The following KIF7 variants were observed in gnomAD, a reference collection of about 807,000 sequenced individuals.
The protein encoded by KIF7 is kinesin-like protein KIF7.
Under a neutral mutation model 135.7 loss-of-function variants are expected in KIF7, and 104 were observed. That is an observed-to-expected ratio of 0.77 (90% CI 0.65 to 0.90). KIF7 has a LOEUF of 0.90. Among genes scored for constraint, KIF7 ranks in the 40% least tolerant of loss-of-function variants. KIF7 has a pLI of 0.00. For missense variants in KIF7, 2,005 were observed against 1,839.1 expected, an observed-to-expected ratio of 1.09 and a Z score of -1.65; for synonymous variants, 883 against 809.4, an observed-to-expected ratio of 1.09 and a Z score of -1.54.
upstream of KIF7, among the ~76,000 whole-genome samples, chr15:89,656,337 CA>C (rs1197340783): frequency 2.6e-5 from 4 of 151,326 alleles, no homozygotes; most frequent in East Asian, 7.7e-4. Context: ...GCAACATTAC[CA>C]AGGAGGTGGC....
rs371407367 is a variant in KIF7 at position 89,618,175 on chromosome 15, T to C, written c.202A>G (p.Ile68Val). The C allele has an allele frequency of 3.3e-5, 54 of 1,614,188 alleles. No individual in the cohort carries two copies. The highest frequency in any genetic ancestry group is 4.3e-5 in the Non-Finnish European group (51 of 1,180,026). The stretch of plus-strand genomic sequence containing the variant: ...AGGTCCTCTGATCCTGGTCCTGATA[T>C]TGGTGTTGTTGAAGAGTCCCCTGAA... Residue 68 changes from isoleucine (I) to valine (V), a missense_variant and NMD_transcript_variant, in exon 2 of 3, where the codon ATA (isoleucine) becomes GTA (valine). Transcript: ENST00000558928.
intron 11 of KIF7, among the ~76,000 whole-genome samples, chr15:89,635,239 GA>G (rs1451410823): frequency 6.6e-6 from 1 of 152,208 alleles, no homozygotes; most frequent in African/African-American, 2.4e-5. Flanking sequence ...AAACAGAGCA[GA>G]AAAAATGGAA....
chr15:89,661,421 A>T, the KIF7 span, among the ~76,000 whole-genome samples: 1 of 152,130 alleles, frequency 6.6e-6, no homozygotes, highest in African/African-American at 2.4e-5. Flanking sequence ...AATGAGAAAC[A>T]AAAAAATTCA....
chr15:89,620,153 G>T (rs904380539), intron 1 of KIF7, among the ~76,000 whole-genome samples: 1 of 152,134 alleles, frequency 6.6e-6, no homozygotes, highest in Non-Finnish European at 1.5e-5. Context: ...GGTGATATCT[G>T]TGTTTACGTT....
intron 5 of KIF7, 79 bp from the exon 6 acceptor site, chr15:89,647,791 T>G: frequency 9.0e-7 from 1 of 1,108,088 alleles, no homozygotes; most frequent in South Asian, 1.4e-5. Flanking sequence ...TGTTTAGCCC[T>G]GCTTTCTATC....
chr15:89,623,484 T>C, downstream of KIF7: 1 of 878,908 alleles, frequency 1.1e-6, no homozygotes, highest in Non-Finnish European at 1.7e-6. Context: ...GGGAAACGGG[T>C]CACTATTTGA....
In KIF7 at chr15:89,648,651, G is replaced by A; in HGVS notation, c.1047C>T (p.Ile349=). ...TLNYASRAQN[I]RNRATVNWRP... ...GCCAGTTGACCGTGGCGCGGTTGCG[G>A]ATGTTCTGGGCGCGGCTGGCGTAGT... The change falls in exon 5 of 19, where the codon ATC becomes ATT. Residue 349 remains isoleucine, a synonymous_variant. Transcript: ENST00000394412. 1 of 1,535,916 alleles carries A rather than the reference G, an allele frequency of 6.5e-7. No individual in the cohort carries two copies. Among genetic ancestry groups the A allele is most frequent in the Non-Finnish European group, 8.7e-7 (1 of 1,146,308 alleles).
At chr15:89,632,163 C>T (rs569559848) in intron 14 of KIF7, among the ~76,000 whole-genome samples, 16 of 152,196 alleles carry the variant, frequency 1.1e-4, no homozygotes, top group Non-Finnish European at 1.9e-4. Flanking sequence ...CAGAGTGATG[C>T]GTGCTGGCAG....
chr15:89,628,316 TTAGG>T lies in KIF7; in HGVS notation c.*99_*102del. On this transcript the variant is annotated 3_prime_UTR_variant, in exon 19 of 19. Transcript: ENST00000394412. ...TGAGGGTACAGATGAGGGCCTGGAT[TTAGG>T]GTGTGCGGTAAGGACTGCCCTTCAC... is the stretch of plus-strand genomic sequence containing the variant. 6.9e-7 allele frequency: 1 copy of T among 1,446,746 alleles called. No homozygotes were observed. Among genetic ancestry groups the T allele is most frequent in the East Asian group, 2.3e-5 (1 of 43,570 alleles). The allele number at this position is 1,446,746 out of a possible 1,614,324, so 89.6% of individuals were successfully genotyped here.
rs1285074285 is a variant in KIF7 at position 89,628,986 on chromosome 15, G to T, written c.3654C>A (p.Gly1218=). 1.2e-6 allele frequency: 2 copies of T among 1,613,788 alleles called. No individual in the cohort carries two copies. The highest frequency in any genetic ancestry group is 2.2e-5 in the South Asian group (2 of 91,070). Residue 1218 remains glycine, a synonymous_variant, in exon 18 of 19, where the codon GGC becomes GGA. Coordinates refer to ENST00000394412, the MANE Select transcript of KIF7 (RefSeq NM_198525.3). The part of the protein sequence containing the change: ...KQKLGGVNAV[G]HSRGGEKRSL... ...GCGACGAGGAGTTACCCCTGCTGTG[G>T]CCTACAGCGTTCACACCGCCGAGCT...
chr15:89,648,955 G>T lies in KIF7; in HGVS notation c.923+19C>A. 1 of 1,520,516 alleles carries T rather than the reference G, an allele frequency of 6.6e-7. No homozygotes were observed. The highest frequency in any genetic ancestry group is 1.2e-5 in the South Asian group (1 of 81,540). The allele number at this position is 1,520,516 out of a possible 1,614,324, so 94.2% of individuals were successfully genotyped here. On this transcript the variant is annotated intron_variant, in intron 4 of 18. Coordinates refer to ENST00000394412, the MANE Select transcript of KIF7 (RefSeq NM_198525.3). The stretch of plus-strand genomic sequence containing the variant: ...CCTCCCCGGCCCCCAGGCCACATAG[G>T]AGCCAGGGGGCAGCTCACCGGGTGA...
At chr15:89,617,952 A>G in intron 2 of KIF7, 1 of 626,078 alleles carries the variant, frequency 1.6e-6, no homozygotes, top group Non-Finnish European at 2.8e-6. Context: ...TTAGCCTCCT[A>G]AGGTGCTGGG....
chr15:89,621,332 T>C, intron 1 of KIF7: 1 of 1,531,604 alleles, frequency 6.5e-7, no homozygotes. Flanking sequence ...GCTGTTTTAA[T>C]AGTATTGGAA....
chr15:89,652,689 G>T lies in KIF7; in HGVS notation c.242C>A (p.Ala81Asp). The change falls in exon 2 of 19, where the codon GCC becomes GAC. Residue 81 changes from alanine to aspartate, a missense_variant. Physicochemically the swap from Ala to Asp is moderately radical, Grantham distance 126. Transcript: ENST00000394412. Reference sequence around the variant, plus strand: ...AGTGGCATTGAAGCCCTCGAAGAAGGCCTCAAGGAGGGGCTGAACGCAGGC... The same window carrying T: ...AGTGGCATTGAAGCCCTCGAAGAAGTCCTCAAGGAGGGGCTGAACGCAGGC... The part of the protein sequence containing the change: ...YQACVQPLLE[A>D]FFEGFNATVF... The T allele has an allele frequency of 6.4e-7, 1 of 1,551,702 alleles. No individual in the cohort carries two copies. The highest frequency in any genetic ancestry group is 8.7e-7 in the Non-Finnish European group (1 of 1,146,866).
chr15:89,624,943 G>T (rs1468473585), downstream of KIF7: 6 of 1,613,988 alleles, frequency 3.7e-6, no homozygotes, highest in Non-Finnish European at 5.1e-6. Context: ...CAACCTGCCA[G>T]CATCAGCTTG....
At position 89,646,977 on chromosome 15, in the gene KIF7, G is replaced by C. The variant is rs762180295; in HGVS notation, c.1641C>G (p.Gly547=). The C allele has an allele frequency of 1.2e-5, 19 of 1,612,592 alleles. No homozygotes were observed. Among genetic ancestry groups the C allele is most frequent in the South Asian group, 1.1e-4 (10 of 91,030 alleles). Residue 547 remains glycine, a synonymous_variant, in exon 7 of 19, where the codon GGC becomes GGG. Coordinates refer to ENST00000394412, the MANE Select transcript of KIF7 (RefSeq NM_198525.3). ...GAGGCAGGCCATTCAGGAGCCGCGG[G>C]CCCCCCCAGCCTGGCCGCACCAGCT... ...RLELVRPGWG[G]PRLLNGLPPG...
chr15:89,645,159 C>T lies in KIF7; in HGVS notation c.2045G>A (p.Gly682Asp). 4 of 1,604,578 alleles carry T rather than the reference C, an allele frequency of 2.5e-6. No individual in the cohort carries two copies. The highest frequency in any genetic ancestry group is 3.4e-6 in the Non-Finnish European group (4 of 1,179,964). The change falls in exon 10 of 19, where the codon GGT becomes GAT. Residue 682 changes from glycine to aspartate, a missense_variant. Transcript: ENST00000394412. ...GGCCTGAACTCGGGCCTTGCTCCCA[C>T]CAACTGCTGCAACAGGCAGCCTGTC... is the stretch of plus-strand genomic sequence containing the variant. Reference protein sequence around the residue: ...DAAIPGSRAVGGSKARVQARQ... With the variant: ...DAAIPGSRAVDGSKARVQARQ...
In KIF7 at chr15:89,633,811, C is replaced by T; in HGVS notation, c.2467G>A (p.Glu823Lys). The T allele has an allele frequency of 6.2e-7, 1 of 1,613,070 alleles. No homozygotes were observed. Residue 823 changes from glutamate to lysine, a missense_variant, in exon 12 of 19, where the codon GAG becomes AAG. Coordinates refer to ENST00000394412, the MANE Select transcript of KIF7 (RefSeq NM_198525.3). ...LSAQSEKRLQELERNVQLMRQ... is the reference protein window; with the variant it reads ...LSAQSEKRLQKLERNVQLMRQ... The stretch of plus-strand genomic sequence containing the variant: ...ATGAGCTGCACGTTCCGCTCGAGCT[C>T]CTGCAGTCGCTTCTCACTCTGGGCC...
intron 11 of KIF7, among the ~76,000 whole-genome samples, chr15:89,638,680 G>A (rs1963859986): frequency 6.6e-6 from 1 of 150,692 alleles, no homozygotes; most frequent in African/African-American, 2.4e-5. Flanking sequence ...CCATGCTCAT[G>A]GGTAGGAAGA....
Sources: allele counts gnomAD v4.1 joint callset (sites outside exome capture counted in the v4.1 genomes callset), GRCh38; gene constraint gnomAD v4.1.1; transcripts MANE v1.5; gene names NCBI Gene and HGNC (gene_info 2026-07-23, HGNC 2026-07-21).